Variants in MYO1D observed in about 807,000 individuals in gnomAD.
MYO1D encodes unconventional myosin-Id.
Under a neutral mutation model 122.0 loss-of-function variants are expected in MYO1D, and 83 were observed. The observed-to-expected ratio is 0.68, with a 90% CI of 0.57 to 0.82. The LOEUF (loss-of-function observed/expected upper bound fraction) is 0.82. MYO1D is among the 40% of genes least tolerant of loss of function. The probability of loss-of-function intolerance (pLI) is 0.00; values close to 1 mark genes in which losing one functional copy is unlikely to be tolerated. For missense variants in MYO1D, 1,157 were observed against 1,269.5 expected (o/e 0.91, Z 1.35); for synonymous variants, 464 against 446.9 (o/e 1.04, Z -0.48).
intron 20 of MYO1D, among the ~76,000 whole-genome samples, chr17:32,628,296 CCCTAA>C (rs139786855): frequency 0.044 from 6,771 of 152,218 alleles, 518 homozygotes; most frequent in African/African-American, 0.15. Context: ...TTGGCTGAAA[CCCTAA>C]CCTTAGTGTG....
intron 21 of MYO1D, chr17:32,497,871 C>T (rs1202444246): frequency 6.6e-6 from 1 of 152,484 alleles, no homozygotes; most frequent in African/African-American, 2.4e-5. Flanking sequence ...GGGCCCCTTT[C>T]CCTCTCCCTG....
chr17:32,640,082 A>T (rs1400229123), intron 19 of MYO1D, among the ~76,000 whole-genome samples: 1 of 152,178 alleles, frequency 6.6e-6, no homozygotes, highest in African/African-American at 2.4e-5. Context: ...CCATAGTTTT[A>T]GAAATCAGTC....
intron 15 of MYO1D, among the ~76,000 whole-genome samples, chr17:32,713,944 G>A (rs2089410835): frequency 6.6e-6 from 1 of 151,978 alleles, no homozygotes; most frequent in Non-Finnish European, 1.5e-5. Flanking sequence ...TTTTTATATG[G>A]TGTTGAGTTG....
chr17:32,646,795 G>A (rs1238490281), intron 19 of MYO1D, among the ~76,000 whole-genome samples: 1 of 152,086 alleles, frequency 6.6e-6, no homozygotes, highest in Non-Finnish European at 1.5e-5. Context: ...ATTATCCTCA[G>A]AATATGAATT....
chr17:32,691,253 C>T (rs954139635), intron 16 of MYO1D, among the ~76,000 whole-genome samples: 3 of 128,722 alleles, frequency 2.3e-5, no homozygotes, highest in Admixed American at 1.6e-4. Context: ...CAAGAAGACA[C>T]TGCCTCAAAA....
chr17:32,680,746 C>T (rs1399117609), intron 16 of MYO1D, among the ~76,000 whole-genome samples: 4 of 152,202 alleles, frequency 2.6e-5, no homozygotes, highest in Non-Finnish European at 5.9e-5. Flanking sequence ...TCTCTGGTAT[C>T]AGAATGATAC....
intron 21 of MYO1D, among the ~76,000 whole-genome samples, chr17:32,580,644 C>T (rs185381348): frequency 4.0e-4 from 61 of 152,026 alleles, no homozygotes; most frequent in African/African-American, 1.4e-3. Context: ...CTCCTGACCT[C>T]GTGATCTGCC....
chr17:32,629,306 T>TG (rs1177412202), intron 20 of MYO1D, among the ~76,000 whole-genome samples: 5 of 152,144 alleles, frequency 3.3e-5, no homozygotes, highest in African/African-American at 1.2e-4. Context: ...GGTGGATACA[T>TG]GACACTATAC....
intron 21 of MYO1D, among the ~76,000 whole-genome samples, chr17:32,599,591 T>G (rs1230265137): frequency 6.6e-6 from 1 of 152,246 alleles, no homozygotes; most frequent in African/African-American, 2.4e-5. Flanking sequence ...TCAGTTTACT[T>G]TGCCCAGATC....
At chr17:32,709,006 A>C (rs1399267193) in intron 16 of MYO1D, among the ~76,000 whole-genome samples, 1 of 152,212 alleles carries the variant, frequency 6.6e-6, no homozygotes, top group Admixed American at 6.5e-5. Flanking sequence ...ACCTGGAATT[A>C]CATCTTTTTA....
chr17:32,705,606 G>A (rs1255320356), intron 16 of MYO1D, among the ~76,000 whole-genome samples: 1 of 152,190 alleles, frequency 6.6e-6, no homozygotes, highest in Admixed American at 6.5e-5. Context: ...TGGTTTAGAT[G>A]ATGATAGTGG....
intron 1 of MYO1D, among the ~76,000 whole-genome samples, chr17:32,786,441 T>C (rs2090294715): frequency 6.6e-6 from 1 of 152,208 alleles, no homozygotes; most frequent in African/African-American, 2.4e-5. Flanking sequence ...GGGCAGACAG[T>C]TGGTGAGACA....
At chr17:32,593,888 GATGGTGCC>G (rs2087463100) in intron 21 of MYO1D, among the ~76,000 whole-genome samples, 1 of 152,244 alleles carries the variant, frequency 6.6e-6, no homozygotes, top group African/African-American at 2.4e-5. Context: ...AGTGAGCCGA[GATGGTGCC>G]ATTGCACTCT....
chr17:32,639,873 C>A (rs754518731), intron 19 of MYO1D, among the ~76,000 whole-genome samples: 8 of 152,172 alleles, frequency 5.3e-5, no homozygotes, highest in Non-Finnish European at 1.0e-4. Context: ...CCATCCCCTC[C>A]TTCAAATTCT....
chr17:32,852,614 G>A (rs1290609129), intron 1 of MYO1D, among the ~76,000 whole-genome samples: 1 of 152,124 alleles, frequency 6.6e-6, no homozygotes, highest in Non-Finnish European at 1.5e-5. Context: ...ATTGTCTGTA[G>A]AATGTCGTCT....
intron 21 of MYO1D, among the ~76,000 whole-genome samples, chr17:32,554,880 T>C (rs958447577): frequency 6.6e-6 from 1 of 152,166 alleles, no homozygotes; most frequent in Non-Finnish European, 1.5e-5. Flanking sequence ...AACGGGCCAA[T>C]TAAATCTAGT....
intron 15 of MYO1D, among the ~76,000 whole-genome samples, chr17:32,712,628 T>C (rs1478304779): frequency 6.6e-6 from 1 of 152,164 alleles, no homozygotes; most frequent in Non-Finnish European, 1.5e-5. Flanking sequence ...TACTTATGTA[T>C]AATGTAACTT....
At chr17:32,730,498 T>G (rs1001359873) in intron 14 of MYO1D, among the ~76,000 whole-genome samples, 5 of 152,206 alleles carry the variant, frequency 3.3e-5, no homozygotes, top group Non-Finnish European at 5.9e-5. Context: ...TTTTAGAATC[T>G]CCTTAAGTGA....
At chr17:32,691,141 C>T (rs1369745724) in intron 16 of MYO1D, among the ~76,000 whole-genome samples, 1 of 151,718 alleles carries the variant, frequency 6.6e-6, no homozygotes, top group African/African-American at 2.4e-5. Flanking sequence ...GCTGTAGACC[C>T]AGCTACTGGG....
Sources: allele counts gnomAD v4.1 joint callset (sites outside exome capture counted in the v4.1 genomes callset), GRCh38; gene constraint gnomAD v4.1.1; transcripts MANE v1.5; gene names NCBI Gene and HGNC (gene_info 2026-07-23, HGNC 2026-07-21).